DPP10: variants seen among roughly 807,000 people sequenced by gnomAD.
DPP10 encodes dipeptidyl peptidase like 10.
DPP10 carries 33 observed loss-of-function variants against 120.9 expected under a neutral mutation model. The observed-to-expected ratio is 0.27, with a 90% CI of 0.21 to 0.37. The LOEUF (loss-of-function observed/expected upper bound fraction) is 0.37. Among genes scored for constraint, DPP10 ranks in the 10% least tolerant of loss-of-function variants. The pLI is 1.00. For missense variants in DPP10, 816 were observed against 942.8 expected, an observed-to-expected ratio of 0.87 and a Z score of 1.76; for synonymous variants, 337 against 326.1, an observed-to-expected ratio of 1.03 and a Z score of -0.36.
At chr2:115,484,269 A>C (rs1225724210) in intron 3 of DPP10, among the ~76,000 whole-genome samples, 1 of 151,866 alleles carries the variant, frequency 6.6e-6, no homozygotes, top group Non-Finnish European at 1.5e-5. Flanking sequence ...TTTTTTACAA[A>C]TAATACCCTC....
intron 3 of DPP10, among the ~76,000 whole-genome samples, chr2:115,344,692 G>A (rs893264494): frequency 4.6e-5 from 7 of 151,992 alleles, no homozygotes; most frequent in African/African-American, 1.7e-4. Context: ...AAGATCATAA[G>A]GGCATAATGT....
chr2:115,411,815 A>T (rs1402446), intron 3 of DPP10, among the ~76,000 whole-genome samples: 2 of 152,132 alleles, frequency 1.3e-5, no homozygotes, highest in Non-Finnish European at 2.9e-5. Flanking sequence ...GTTGACACAC[A>T]TGTAGTGGAA....
intron 1 of DPP10, among the ~76,000 whole-genome samples, chr2:115,129,665 C>T (rs887746514): frequency 6.6e-6 from 1 of 152,166 alleles, no homozygotes; most frequent in Admixed American, 6.5e-5. Flanking sequence ...TCTTACTTTG[C>T]ACTTACACTG....
chr2:114,602,875 A>G (rs1047993852), intron 1 of DPP10, among the ~76,000 whole-genome samples: 1 of 152,104 alleles, frequency 6.6e-6, no homozygotes, highest in South Asian at 2.1e-4. Flanking sequence ...GTGGCACTTC[A>G]GAAACAATAT....
chr2:115,391,604 C>G (rs2067320195), intron 3 of DPP10, among the ~76,000 whole-genome samples: 1 of 151,772 alleles, frequency 6.6e-6, no homozygotes, highest in Non-Finnish European at 1.5e-5. Flanking sequence ...TCTGAGGTAC[C>G]AATATCCATA....
chr2:115,391,010 A>G (rs963566616), intron 3 of DPP10, among the ~76,000 whole-genome samples: 2 of 152,158 alleles, frequency 1.3e-5, no homozygotes, highest in Admixed American at 6.5e-5. Context: ...TATGGAGACT[A>G]TTAGATAAAA....
intron 5 of DPP10, among the ~76,000 whole-genome samples, chr2:115,634,133 A>G (rs1361513002): frequency 6.6e-6 from 1 of 152,076 alleles, no homozygotes; most frequent in African/African-American, 2.4e-5. Context: ...TTTCAGCTCC[A>G]TCCGGTCATT....
intron 3 of DPP10, among the ~76,000 whole-genome samples, chr2:115,371,924 T>G (rs1208278317): frequency 6.6e-6 from 1 of 152,134 alleles, no homozygotes; most frequent in African/African-American, 2.4e-5. Flanking sequence ...TAAGAACTAT[T>G]TTTCAGGAGG....
chr2:115,256,963 C>A (rs1282062098), intron 1 of DPP10, among the ~76,000 whole-genome samples: 1 of 152,186 alleles, frequency 6.6e-6, no homozygotes, highest in Non-Finnish European at 1.5e-5. Context: ...TTCCACAAAT[C>A]CTTAGGGCAT....
rs1283909969 is a variant in DPP10 at position 115,557,332 on chromosome 2, G to C, written c.441+31360G>C. Among the ~76,000 whole-genome samples, 20 of 152,064 alleles carry C rather than the reference G, an allele frequency of 1.3e-4. 1 individual carries two copies. Among genetic ancestry groups the C allele is most frequent in the Non-Finnish European group, 2.8e-4 (19 of 67,994 alleles). On this transcript the variant is annotated intron_variant, in intron 5 of 25. Transcript: ENST00000410059. Reference sequence around the variant, plus strand: ...AAACATGATGAGAAAATTGATGAAAGCCTACCATATAGAAGCAAGAAGGAG... The same window carrying C: ...AAACATGATGAGAAAATTGATGAAACCCTACCATATAGAAGCAAGAAGGAG...
intron 3 of DPP10, among the ~76,000 whole-genome samples, chr2:115,384,498 A>T (rs1054432259): frequency 1.0e-4 from 15 of 150,332 alleles, no homozygotes; most frequent in Admixed American, 1.0e-3. Flanking sequence ...GAAGAAGAGG[A>T]AAAGAAGAAG....
chr2:114,627,458 A>C (rs898992723), intron 1 of DPP10, among the ~76,000 whole-genome samples: 1 of 152,144 alleles, frequency 6.6e-6, no homozygotes, highest in African/African-American at 2.4e-5. Context: ...ATCTTCCTGC[A>C]GATCTAGGTT....
chr2:115,654,199 T>C, intron 5 of DPP10, among the ~76,000 whole-genome samples: 1 of 151,794 alleles, frequency 6.6e-6, no homozygotes, highest in East Asian at 1.9e-4. Flanking sequence ...CAGTTTATAA[T>C]CTTTTATTTA....
intron 1 of DPP10, among the ~76,000 whole-genome samples, chr2:115,005,507 C>CA (rs1701756190): frequency 1.3e-5 from 2 of 151,154 alleles, no homozygotes; most frequent in African/African-American, 4.9e-5. Context: ...ATAACCAATA[C>CA]AGAGAAGTGC....
chr2:115,202,964 A>C (rs956534), intron 1 of DPP10, among the ~76,000 whole-genome samples: 71,848 of 151,450 alleles, frequency 0.47, 19,001 homozygotes, highest in Non-Finnish European at 0.61. Context: ...AACAAACAAA[A>C]AACAACAACA....
At position 114,649,301 on chromosome 2, in the gene DPP10, G is replaced by A. The variant is rs931665212; in HGVS notation, c.60+206463G>A. Among the ~76,000 whole-genome samples, 42 of 151,872 alleles carry A rather than the reference G, an allele frequency of 2.8e-4. 1 individual carries two copies. Among genetic ancestry groups the A allele is most frequent in the Admixed American group, 2.2e-3 (33 of 15,246 alleles). On this transcript the variant is annotated intron_variant, in intron 1 of 25. Transcript: ENST00000410059. ...TTAAAATTACTGATACTTGGGTTTC[G>A]CCACCCCAGATTCTCACTTAATTGG...
At chr2:114,685,608 C>T (rs1192243812) in intron 1 of DPP10, among the ~76,000 whole-genome samples, 1 of 151,948 alleles carries the variant, frequency 6.6e-6, no homozygotes. Flanking sequence ...TCACCCTAAA[C>T]TCGCAATTCT....
intron 3 of DPP10, among the ~76,000 whole-genome samples, chr2:115,469,584 A>G (rs2074549875): frequency 6.6e-6 from 1 of 152,180 alleles, no homozygotes; most frequent in Non-Finnish European, 1.5e-5. Context: ...TTAAAAAGTT[A>G]ACGTCCCAGG....
At chr2:115,575,308 A>G (rs2081586421) in intron 5 of DPP10, among the ~76,000 whole-genome samples, 1 of 152,166 alleles carries the variant, frequency 6.6e-6, no homozygotes, top group Admixed American at 6.5e-5. Context: ...TATATCTTTA[A>G]ATATCATCAT....
Sources: allele counts gnomAD v4.1 joint callset (sites outside exome capture counted in the v4.1 genomes callset), GRCh38; gene constraint gnomAD v4.1.1; transcripts MANE v1.5; gene names NCBI Gene and HGNC (gene_info 2026-07-23, HGNC 2026-07-21).